The following LYPD6 variants were observed in gnomAD, a reference collection of about 807,000 sequenced individuals.
The protein encoded by LYPD6 is LY6/PLAUR domain containing 6.
LYPD6 carries 15 observed loss-of-function variants against 22.7 expected under a neutral mutation model. The observed-to-expected ratio is 0.66, with a 90% CI of 0.44 to 1.02. The LOEUF is 1.02. Ranked by LOEUF, LYPD6 falls within the 50% of genes least tolerant of loss-of-function variation. The probability of loss-of-function intolerance (pLI) is 0.00; values close to 1 mark genes in which losing one functional copy is unlikely to be tolerated. For synonymous variants in LYPD6, 72 were observed against 77.5 expected, an observed-to-expected ratio of 0.93 and a Z score of 0.37; for missense variants, 189 against 208.4, an observed-to-expected ratio of 0.91 and a Z score of 0.57.
intron 3 of LYPD6, among the ~76,000 whole-genome samples, chr2:149,452,993 T>C (rs893742437): frequency 6.6e-6 from 1 of 152,230 alleles, no homozygotes; most frequent in Non-Finnish European, 1.5e-5. Flanking sequence ...TCCAGATTCA[T>C]AGTACTATAC....
chr2:149,399,270 T>TGA (rs1682499420), intron 1 of LYPD6, among the ~76,000 whole-genome samples: 1 of 152,152 alleles, frequency 6.6e-6, no homozygotes, highest in Non-Finnish European at 1.5e-5. Context: ...GCAATAGAAA[T>TGA]CAAAAATATT....
At chr2:149,413,999 G>A (rs1435591396) in intron 1 of LYPD6, among the ~76,000 whole-genome samples, 2 of 152,204 alleles carry the variant, frequency 1.3e-5, no homozygotes, top group Non-Finnish European at 2.9e-5. Context: ...TCTTTAAAAT[G>A]TGTAGGTGGT....
intron 1 of LYPD6, among the ~76,000 whole-genome samples, chr2:149,370,007 G>A (rs1681771182): frequency 1.3e-5 from 2 of 152,208 alleles, no homozygotes; most frequent in South Asian, 4.2e-4. Context: ...ACGGGAACGG[G>A]CCACGGCTCT....
At chr2:149,447,730 A>C (rs917432247) in intron 2 of LYPD6, among the ~76,000 whole-genome samples, 1 of 152,236 alleles carries the variant, frequency 6.6e-6, no homozygotes, top group Non-Finnish European at 1.5e-5. Flanking sequence ...TTTTATTTGC[A>C]TGTTGACATT....
intron 1 of LYPD6, among the ~76,000 whole-genome samples, chr2:149,430,180 A>C (rs921975379): frequency 6.6e-6 from 1 of 151,982 alleles, no homozygotes; most frequent in African/African-American, 2.4e-5. Flanking sequence ...GCTCACTGCA[A>C]CCTCCGCCTC....
At chr2:149,430,249 G>A (rs371495769) in intron 1 of LYPD6, among the ~76,000 whole-genome samples, 6 of 152,082 alleles carry the variant, frequency 3.9e-5, no homozygotes, top group Non-Finnish European at 7.3e-5. Flanking sequence ...ACAGGTGCCC[G>A]CCGCCATGCC....
At chr2:149,375,662 A>G (rs1046301121) in intron 1 of LYPD6, among the ~76,000 whole-genome samples, 2 of 152,210 alleles carry the variant, frequency 1.3e-5, no homozygotes, top group Non-Finnish European at 2.9e-5. Flanking sequence ...CATTGCTATA[A>G]CTGTTACCAT....
At chr2:149,417,024 A>G (rs1375452519) in intron 1 of LYPD6, among the ~76,000 whole-genome samples, 1 of 152,124 alleles carries the variant, frequency 6.6e-6, no homozygotes, top group Admixed American at 6.6e-5. Context: ...ACAAGCCCCC[A>G]GGTAGCAATG....
chr2:149,444,776 A>G (rs929398068), intron 2 of LYPD6, among the ~76,000 whole-genome samples: 23 of 152,130 alleles, frequency 1.5e-4, no homozygotes, highest in Admixed American at 6.5e-4. Flanking sequence ...TGCTGTGTCC[A>G]CCACATCTGC....
At position 149,437,671 on chromosome 2, in the gene LYPD6, C is replaced by G. The variant is rs765758370; in HGVS notation, c.-38C>G. ...TCTCTCCTGTTGCCCTGAGTGCCCA[C>G]TCCCAGGCCCTCTGTATGAGTGACA... On this transcript the variant is annotated 5_prime_UTR_variant, in exon 2 of 5. Coordinates refer to ENST00000334166, the MANE Select transcript of LYPD6 (RefSeq NM_194317.5). 172 of 1,610,994 alleles carry G rather than the reference C, an allele frequency of 1.1e-4. No homozygotes were observed. The highest frequency in any genetic ancestry group is 1.4e-4 in the Non-Finnish European group (160 of 1,178,336).
intron 1 of LYPD6, among the ~76,000 whole-genome samples, chr2:149,381,821 A>G (rs964534499): frequency 6.6e-6 from 1 of 152,214 alleles, no homozygotes; most frequent in Non-Finnish European, 1.5e-5. Flanking sequence ...GCTTGAAGTC[A>G]AAGTGTGGAT....
At chr2:149,399,246 C>G (rs1240158696) in intron 1 of LYPD6, among the ~76,000 whole-genome samples, 1 of 151,836 alleles carries the variant, frequency 6.6e-6, no homozygotes, top group African/African-American at 2.4e-5. Flanking sequence ...TTATTAGTAC[C>G]TGTAACTTTG....
At chr2:149,371,213 G>C (rs1681801379) in intron 1 of LYPD6, among the ~76,000 whole-genome samples, 1 of 152,180 alleles carries the variant, frequency 6.6e-6, no homozygotes, top group Non-Finnish European at 1.5e-5. Flanking sequence ...TCCTGTGCAA[G>C]ATGGCCTTGC....
intron 3 of LYPD6, among the ~76,000 whole-genome samples, chr2:149,456,456 T>C (rs1680960141): frequency 6.6e-6 from 1 of 152,202 alleles, no homozygotes; most frequent in South Asian, 2.1e-4. Flanking sequence ...GACTGACTTG[T>C]GTCCTCCCCA....
rs139673925 is a variant in LYPD6, at chr2:149,437,716, C to G, written c.8C>G (p.Pro3Arg). The G allele has an allele frequency of 9.9e-6, 16 of 1,614,118 alleles. No homozygotes were observed. Among genetic ancestry groups the G allele is most frequent in the African/African-American group, 1.3e-5 (1 of 75,066 alleles). The change falls in exon 2 of 5, where the codon CCT becomes CGT. Residue 3 changes from proline to arginine, a missense_variant. Transcript: ENST00000334166. The stretch of plus-strand genomic sequence containing the variant: ...GTGACACTTCAGTCTGCCATGGAAC[C>G]TGGCCCTGCTCTGGCCTGGCTCCTG... MEPGPALAWLLLL... is the reference protein window; with the variant it reads MERGPALAWLLLL...
chr2:149,406,258 T>G (rs887009452), intron 1 of LYPD6, among the ~76,000 whole-genome samples: 1 of 152,090 alleles, frequency 6.6e-6, no homozygotes, highest in Non-Finnish European at 1.5e-5. Flanking sequence ...GTCCACTTGG[T>G]GCAGAGCTGA....
At chr2:149,347,369 T>C (rs1681277284) in intron 1 of LYPD6, among the ~76,000 whole-genome samples, 1 of 152,208 alleles carries the variant, frequency 6.6e-6, no homozygotes, top group Non-Finnish European at 1.5e-5. Flanking sequence ...ACATTCATTT[T>C]ATGGTACGTA....
chr2:149,418,154 G>A (rs1446209434), intron 1 of LYPD6, among the ~76,000 whole-genome samples: 1 of 152,180 alleles, frequency 6.6e-6, no homozygotes, highest in Non-Finnish European at 1.5e-5. Flanking sequence ...CAGCAGGAAG[G>A]CATCAAGAGA....
chr2:149,351,415 AGAAAG>A (rs946785418), intron 1 of LYPD6, among the ~76,000 whole-genome samples: 9 of 148,382 alleles, frequency 6.1e-5, no homozygotes, highest in Non-Finnish European at 1.0e-4. Flanking sequence ...AAAAAAAAAA[AGAAAG>A]AAAACAAGCC....
Sources: allele counts gnomAD v4.1 joint callset (sites outside exome capture counted in the v4.1 genomes callset), GRCh38; gene constraint gnomAD v4.1.1; transcripts MANE v1.5; gene names NCBI Gene and HGNC (gene_info 2026-07-23, HGNC 2026-07-21).